Variants in MICAL2 observed in about 807,000 individuals in gnomAD.
MICAL2 encodes microtubule associated monooxygenase, calponin and LIM domain containing 2, also known as [F-actin]-monooxygenase MICAL2.
A neutral mutation model predicts 127.3 loss-of-function variants in MICAL2; 77 were observed. The observed-to-expected ratio is 0.60, with a 90% CI of 0.50 to 0.73. The LOEUF (loss-of-function observed/expected upper bound fraction) is 0.73. Ranked by LOEUF, MICAL2 falls within the 30% of genes least tolerant of loss-of-function variation. MICAL2 has a pLI of 0.00. For missense variants in MICAL2, 1,351 were observed against 1,434.4 expected, an observed-to-expected ratio of 0.94 and a Z score of 0.94; for synonymous variants, 570 against 551.1, an observed-to-expected ratio of 1.03 and a Z score of -0.48.
chr11:12,335,161 G>T (rs186465728), intron 32 of MICAL2, among the ~76,000 whole-genome samples: 1,850 of 148,150 alleles, frequency 0.012, 43 homozygotes, highest in African/African-American at 0.044. Flanking sequence ...GGTGTGAGAT[G>T]GTATCTCATT....
At chr11:12,343,004 G>A (rs938551715) in intron 32 of MICAL2, among the ~76,000 whole-genome samples, 21 of 152,150 alleles carry the variant, frequency 1.4e-4, no homozygotes, top group African/African-American at 5.1e-4. Context: ...GTTGAACTGG[G>A]CACAGTCGTC....
At chr11:12,224,157 A>G (rs1857140763) in intron 12 of MICAL2, among the ~76,000 whole-genome samples, 1 of 152,096 alleles carries the variant, frequency 6.6e-6, no homozygotes, top group Non-Finnish European at 1.5e-5. Flanking sequence ...GTTTTTCTAG[A>G]TTCTTAGCCA....
intron 29 of MICAL2, among the ~76,000 whole-genome samples, chr11:12,298,086 G>A (rs1013210790): frequency 5.9e-5 from 9 of 151,488 alleles, no homozygotes; most frequent in Non-Finnish European, 1.3e-4. Flanking sequence ...TACTCTCGTG[G>A]GATTGAGTTA....
intron 1 of MICAL2, among the ~76,000 whole-genome samples, chr11:12,114,597 A>G (rs1048104992): frequency 3.3e-5 from 5 of 152,200 alleles, no homozygotes; most frequent in African/African-American, 1.2e-4. Flanking sequence ...CTCAGCACTG[A>G]ACGCCGTGTC....
chr11:12,304,649 C>CACAT (rs1555019702), intron 29 of MICAL2, among the ~76,000 whole-genome samples: 7,921 of 131,458 alleles, frequency 0.06, 428 homozygotes, highest in East Asian at 0.28. Flanking sequence ...CACACACACA[C>CACAT]ACACACACAC....
At position 12,346,925 on chromosome 11, in the gene MICAL2, C is replaced by T. The variant is rs56993907; in HGVS notation, c.5516-2913C>T. On this transcript the variant is annotated intron_variant, in intron 32 of 34. Coordinates refer to the MICAL2 transcript ENST00000646065. Reference sequence around the variant, plus strand: ...CTTTCTCACTTTAGTCCTTTACACACGACACTTCACACATCATTCTCCTAC... The same window carrying T: ...CTTTCTCACTTTAGTCCTTTACACATGACACTTCACACATCATTCTCCTAC... Among the ~76,000 whole-genome samples, 1,065 of 152,266 alleles carry T rather than the reference C, an allele frequency of 7.0e-3. 16 individuals carry two copies. The highest frequency in any genetic ancestry group is 0.024 in the African/African-American group (1,006 of 41,548).
chr11:12,243,851 C>A, intron 20 of MICAL2, 136 bp from the exon 21 acceptor site: 1 of 1,017,334 alleles, frequency 9.8e-7, no homozygotes, highest in Non-Finnish European at 1.5e-6. Flanking sequence ...ACAGGGGTTT[C>A]TGTGTTGTCC....
chr11:12,155,964 A>C (rs1378365636), intron 2 of MICAL2, among the ~76,000 whole-genome samples: 1 of 152,220 alleles, frequency 6.6e-6, no homozygotes, highest in Non-Finnish European at 1.5e-5. Flanking sequence ...GGATGAGGTG[A>C]GGAAGGGGGA....
At chr11:12,157,313 TG>T (rs1283729548) in intron 2 of MICAL2, among the ~76,000 whole-genome samples, 3 of 152,200 alleles carry the variant, frequency 2.0e-5, no homozygotes, top group Admixed American at 1.3e-4. Context: ...TCAGGGACTC[TG>T]CATAAACCTT....
intron 1 of MICAL2, among the ~76,000 whole-genome samples, chr11:12,136,147 G>A (rs868537728): frequency 6.6e-6 from 1 of 152,140 alleles, no homozygotes; most frequent in Admixed American, 6.5e-5. Flanking sequence ...ACCCAAATCA[G>A]GCCCATGAGG....
chr11:12,168,073 G>C (rs1855731089), intron 3 of MICAL2, among the ~76,000 whole-genome samples: 1 of 151,880 alleles, frequency 6.6e-6, no homozygotes, highest in East Asian at 1.9e-4. Context: ...AGGCTAAGCT[G>C]GGAGGAATGC....
intron 29 of MICAL2, among the ~76,000 whole-genome samples, chr11:12,308,525 T>C (rs1864138582): frequency 1.3e-5 from 2 of 152,250 alleles, no homozygotes; most frequent in Admixed American, 6.5e-5. Context: ...TTTGTTGCCA[T>C]TGTAAATAAA....
Position 12,255,642 on chromosome 11 carries a change from G to T in MICAL2, c.2848-1G>T. The T allele has an allele frequency of 6.2e-7, 1 of 1,613,984 alleles. No homozygotes were observed. The highest frequency in any genetic ancestry group is 8.5e-7 in the Non-Finnish European group (1 of 1,179,950). On this transcript the variant is annotated splice_acceptor_variant, in intron 22 of 27. Transcript: ENST00000683283. LOFTEE classifies it high-confidence loss of function. ...TCTCCTCTGCCTCTGCTCTTGGTTA[G>T]CTGACGGTAGGGAAAGTGTCCAGCG...
At chr11:12,361,735 G>A (rs1028836170), downstream of MICAL2, among the ~76,000 whole-genome samples, 1 of 152,192 alleles carries the variant, frequency 6.6e-6, no homozygotes, top group African/African-American at 2.4e-5. Context: ...GGAGGCAAAT[G>A]ACAATTCAGC....
chr11:12,193,677 C>G (rs1191106314), intron 3 of MICAL2, among the ~76,000 whole-genome samples: 1 of 152,214 alleles, frequency 6.6e-6, no homozygotes, highest in Admixed American at 6.5e-5. Context: ...CACCCTTTAT[C>G]AGCTGTGTGA....
At chr11:12,223,095 A>G (rs1439887771) in intron 11 of MICAL2, among the ~76,000 whole-genome samples, 1 of 152,130 alleles carries the variant, frequency 6.6e-6, no homozygotes, top group Non-Finnish European at 1.5e-5. Flanking sequence ...TTCTTCTTCC[A>G]CTAATTTAAA....
chr11:12,173,346 G>C (rs1424833259), intron 3 of MICAL2, among the ~76,000 whole-genome samples: 1 of 152,196 alleles, frequency 6.6e-6, no homozygotes, highest in Non-Finnish European at 1.5e-5. Context: ...ATATATAGGG[G>C]GAGATGTTTT....
At chr11:12,292,938 G>A (rs1424767300), downstream of MICAL2, among the ~76,000 whole-genome samples, 2 of 152,106 alleles carry the variant, frequency 1.3e-5, no homozygotes, top group Non-Finnish European at 2.9e-5. Flanking sequence ...TCTTTGCCAA[G>A]GGCCAAGTTC....
At chr11:12,160,058 T>C (rs188743676) in intron 2 of MICAL2, among the ~76,000 whole-genome samples, 1 of 152,158 alleles carries the variant, frequency 6.6e-6, no homozygotes, top group Non-Finnish European at 1.5e-5. Context: ...GAGCAGGGAA[T>C]GAGTGCTAGT....
Sources: allele counts gnomAD v4.1 joint callset (sites outside exome capture counted in the v4.1 genomes callset), GRCh38; gene constraint gnomAD v4.1.1; transcripts MANE v1.5; gene names NCBI Gene and HGNC (gene_info 2026-07-23, HGNC 2026-07-21).